Variants in SUSD1 observed in about 807,000 individuals in gnomAD.
SUSD1 encodes the protein sushi domain-containing protein 1.
In SUSD1, 65 loss-of-function variants were observed where a neutral mutation model predicts 86.9. The ratio of observed to expected loss-of-function variants is 0.75; its 90% confidence interval spans 0.61 to 0.92. SUSD1 has a LOEUF of 0.92. SUSD1 is among the 40% of genes least tolerant of loss of function. SUSD1 has a pLI of 0.00. For missense variants in SUSD1, 850 were observed against 929.7 expected (o/e 0.91, Z 1.11); for synonymous variants, 346 against 350.0 (o/e 0.99, Z 0.13).
At chr9:112,106,327 C>T (rs1354256653) in intron 8 of SUSD1, among the ~76,000 whole-genome samples, 2 of 152,046 alleles carry the variant, frequency 1.3e-5, no homozygotes, top group African/African-American at 4.8e-5. Context: ...TCAAAGCTTC[C>T]AGTTCCCAAC....
intron 12 of SUSD1, among the ~76,000 whole-genome samples, chr9:112,070,403 CT>C (rs1829217414): frequency 6.6e-6 from 1 of 152,244 alleles, no homozygotes; most frequent in South Asian, 2.1e-4. Flanking sequence ...GTGGAACAAA[CT>C]TGACTTTCAG....
chr9:112,144,424 C>A (rs1173041046), intron 3 of SUSD1, among the ~76,000 whole-genome samples: 5 of 151,620 alleles, frequency 3.3e-5, no homozygotes, highest in Non-Finnish European at 7.4e-5. Context: ...TATAAATATA[C>A]CCAATCATTA....
intron 4 of SUSD1, among the ~76,000 whole-genome samples, chr9:112,143,131 C>T (rs1310522400): frequency 2.0e-5 from 3 of 150,778 alleles, no homozygotes; most frequent in African/African-American, 4.9e-5. Flanking sequence ...ATTACAGGTG[C>T]CCACCACCAC....
chr9:112,098,656 C>A lies in SUSD1; in HGVS notation c.1288G>T (p.Val430Phe). Reference protein sequence around the residue: ...VGSEHMYQFTVLGQRWYLANF... With the variant: ...VGSEHMYQFTFLGQRWYLANF... ...GCCAGATACCACCTCTGACCCAGAACGGTAAACTGTCATGAGATTAAAAGA... is the reference window on the plus strand; with the variant it reads ...GCCAGATACCACCTCTGACCCAGAAAGGTAAACTGTCATGAGATTAAAAGA... The change falls in exon 10 of 17, where the codon GTT (valine) becomes TTT (phenylalanine). Residue 430 changes from valine (V) to phenylalanine (F), a missense_variant. By Grantham distance (50) the Val-to-Phe change is conservative (BLOSUM62 -1). Coordinates refer to ENST00000374270, the MANE Select transcript of SUSD1 (RefSeq NM_022486.5). 1 of 1,614,068 alleles carries A rather than the reference C, an allele frequency of 6.2e-7. No homozygotes were observed. The highest frequency in any genetic ancestry group is 8.5e-7 in the Non-Finnish European group (1 of 1,179,950).
At chr9:112,065,993 C>T (rs1247336720) in intron 12 of SUSD1, among the ~76,000 whole-genome samples, 1 of 152,226 alleles carries the variant, frequency 6.6e-6, no homozygotes, top group African/African-American at 2.4e-5. Context: ...ATACTCACAG[C>T]AGCTCTGCGT....
At chr9:112,111,276 G>A (rs551816450) in intron 8 of SUSD1, among the ~76,000 whole-genome samples, 3 of 152,318 alleles carry the variant, frequency 2.0e-5, no homozygotes, top group East Asian at 3.9e-4. Context: ...TTATAGGCGT[G>A]AGCCACCACA....
chr9:112,145,487 G>A (rs368586250), intron 3 of SUSD1, among the ~76,000 whole-genome samples: 10 of 151,970 alleles, frequency 6.6e-5, no homozygotes, highest in African/African-American at 2.2e-4. Flanking sequence ...TCACCATGTT[G>A]GCCAGGCTGG....
chr9:112,120,779 TGCCCC>T (rs2131676564), intron 6 of SUSD1, among the ~76,000 whole-genome samples: 1 of 152,348 alleles, frequency 6.6e-6, no homozygotes, highest in African/African-American at 2.4e-5. Flanking sequence ...TAGCTTACTA[TGCCCC>T]ATGCAGATCC....
intron 2 of SUSD1, among the ~76,000 whole-genome samples, chr9:112,153,205 T>C (rs1419059345): frequency 6.7e-6 from 1 of 149,638 alleles, no homozygotes; most frequent in Non-Finnish European, 1.5e-5. Context: ...AGGCTGAGGC[T>C]GTAGTGGGCC....
intron 5 of SUSD1, among the ~76,000 whole-genome samples, chr9:112,124,898 G>GA (rs1831704944): frequency 6.6e-6 from 1 of 151,948 alleles, no homozygotes; most frequent in Non-Finnish European, 1.5e-5. Context: ...ATCTTTCAAA[G>GA]AAAAAAATCA....
chr9:112,062,836 T>G (rs1013410893), intron 13 of SUSD1, 101 bp downstream of exon 13: 2 of 748,266 alleles, frequency 2.7e-6, no homozygotes, highest in Admixed American at 2.2e-5. Flanking sequence ...ACCACCCAAG[T>G]GCAGCCACCA....
intron 15 of SUSD1, among the ~76,000 whole-genome samples, chr9:112,045,117 C>A (rs1827900040): frequency 6.6e-6 from 1 of 152,126 alleles, no homozygotes; most frequent in African/African-American, 2.4e-5. Flanking sequence ...TAAATGCCAT[C>A]TTGGTGGACT....
chr9:112,089,811 C>CAAAAAA (rs3983407), intron 10 of SUSD1, among the ~76,000 whole-genome samples: 32 of 115,858 alleles, frequency 2.8e-4, no homozygotes, highest in Non-Finnish European at 3.5e-4. Flanking sequence ...GATTCCATCT[C>CAAAAAA]AAAAAAAAAA....
intron 5 of SUSD1, among the ~76,000 whole-genome samples, chr9:112,125,017 G>A (rs1831710610): frequency 6.6e-6 from 1 of 152,016 alleles, no homozygotes; most frequent in Admixed American, 6.6e-5. Flanking sequence ...ACTATCTACA[G>A]GTAAAAGATT....
At chr9:112,085,601 C>T (rs144999259) in intron 10 of SUSD1, among the ~76,000 whole-genome samples, 147 of 152,126 alleles carry the variant, frequency 9.7e-4, no homozygotes, top group African/African-American at 3.1e-3. Context: ...AAATAGGTTA[C>T]GGGAATTCAG....
At chr9:112,089,378 A>G (rs1203846861) in intron 10 of SUSD1, among the ~76,000 whole-genome samples, 1 of 152,232 alleles carries the variant, frequency 6.6e-6, no homozygotes, top group East Asian at 1.9e-4. Context: ...TGCAATCTCT[A>G]TATAAGACAA....
intron 8 of SUSD1, among the ~76,000 whole-genome samples, chr9:112,106,268 T>C (rs1430763600): frequency 1.3e-5 from 2 of 151,730 alleles, no homozygotes; most frequent in African/African-American, 4.9e-5. Flanking sequence ...CCACCACACC[T>C]GGCCAGGATT....
rs1829630952 is a variant in SUSD1 at position 112,078,695 on chromosome 9, C to G, written c.1596G>C (p.Gln532His). The change falls in exon 12 of 17, where the codon CAG (glutamine) becomes CAC (histidine). Residue 532 changes from glutamine (Q) to histidine (H), a missense_variant. Coordinates refer to ENST00000374270, the MANE Select transcript of SUSD1 (RefSeq NM_022486.5). Reference protein sequence around the residue: ...LFHIWGQRWYQKEFAQEMTFN... With the variant: ...LFHIWGQRWYHKEFAQEMTFN... ...AGGTCATTTCCTGGGCAAATTCCTT[C>G]TGATACCATCTCTGGCCCCAAATGT... 1 of 1,613,478 alleles carries G rather than the reference C, an allele frequency of 6.2e-7. No individual in the cohort carries two copies.
intron 12 of SUSD1, among the ~76,000 whole-genome samples, chr9:112,064,556 C>T (rs547183420): frequency 7.9e-5 from 12 of 152,260 alleles, no homozygotes; most frequent in East Asian, 5.8e-4. Flanking sequence ...AAAGTGTAGG[C>T]GTGGGAGGAA....
Sources: allele counts gnomAD v4.1 joint callset (sites outside exome capture counted in the v4.1 genomes callset), GRCh38; gene constraint gnomAD v4.1.1; transcripts MANE v1.5; gene names NCBI Gene and HGNC (gene_info 2026-07-23, HGNC 2026-07-21).